PODXL: variants seen among roughly 807,000 people sequenced by gnomAD.
PODXL encodes podocalyxin like.
In PODXL, 20 loss-of-function variants were observed where a neutral mutation model predicts 48.9. That is an observed-to-expected ratio of 0.41 (90% CI 0.29 to 0.59). The LOEUF (loss-of-function observed/expected upper bound fraction) is 0.59. PODXL is among the 20% of genes least tolerant of loss of function. The pLI is 0.31. For synonymous variants in PODXL, 295 were observed against 287.4 expected (o/e 1.03, Z -0.27); for missense variants, 606 against 675.1 (o/e 0.90, Z 1.13).
rs769263602 is a variant in PODXL at position 131,549,807 on chromosome 7, C to T, written c.100+6453G>A. ...TGGTGGACGAGGTGCCACCCTACACCCTGGTCCTCGGAAGTGTGAGGTGGC... is the reference window on the plus strand; with the variant it reads ...TGGTGGACGAGGTGCCACCCTACACTCTGGTCCTCGGAAGTGTGAGGTGGC... On this transcript the variant is annotated intron_variant, in intron 1 of 8. Coordinates refer to ENST00000378555, the MANE Select transcript of PODXL (RefSeq NM_001018111.3). 6.2e-4 allele frequency among the ~76,000 whole-genome samples: 94 copies of T among 152,204 alleles called. 1 individual carries two copies. Among genetic ancestry groups the T allele is most frequent in the Non-Finnish European group, 4.4e-4 (30 of 68,042 alleles).
chr7:131,554,247 C>T (rs1205999552), intron 1 of PODXL, among the ~76,000 whole-genome samples: 1 of 152,084 alleles, frequency 6.6e-6, no homozygotes, highest in East Asian at 1.9e-4. Flanking sequence ...CTGAACAGAC[C>T]AATCTTGCCG....
chr7:131,511,074 C>A lies in PODXL; in HGVS notation c.460G>T (p.Asp154Tyr). ...NTTSSQNGAE[D>Y]TTNSGGKSSH... ...CTTTTCCCCCCAGAGTTTGTTGTATCTTCTGCTCCATTCTGGCTGCTTGTG... is the reference window on the plus strand; with the variant it reads ...CTTTTCCCCCCAGAGTTTGTTGTATATTCTGCTCCATTCTGGCTGCTTGTG... The change falls in exon 2 of 9, where the codon GAT becomes TAT. Residue 154 changes from aspartate to tyrosine, a missense_variant. Asp to Tyr is a radical substitution (Grantham distance 160, BLOSUM62 -3). Transcript: ENST00000378555. 1.2e-6 allele frequency: 2 copies of A among 1,614,020 alleles called. No individual in the cohort carries two copies. Among genetic ancestry groups the A allele is most frequent in the Non-Finnish European group, 1.7e-6 (2 of 1,180,016 alleles).
intron 1 of PODXL, among the ~76,000 whole-genome samples, chr7:131,530,150 A>AC (rs1209432373): frequency 8.9e-5 from 7 of 78,232 alleles, no homozygotes; most frequent in Non-Finnish European, 1.4e-4. Context: ...TCTACACCCC[A>AC]CCCCCCCACC....
intron 1 of PODXL, among the ~76,000 whole-genome samples, chr7:131,524,078 C>T (rs1008311790): frequency 2.0e-5 from 3 of 152,112 alleles, no homozygotes; most frequent in Non-Finnish European, 4.4e-5. Context: ...GGATTACAGG[C>T]GTGAGCCACT....
chr7:131,549,430 C>A (rs993100458), intron 1 of PODXL, among the ~76,000 whole-genome samples: 18 of 152,168 alleles, frequency 1.2e-4, no homozygotes, highest in African/African-American at 4.1e-4. Flanking sequence ...GGGAACCTGG[C>A]TGGATGGAGA....
chr7:131,556,343 G>A lies in PODXL; in HGVS notation c.17C>T (p.Ala6Val). Reference sequence around the variant, plus strand: ...CAACAGTAGCAGCAGCGCCGAGAGCGCCAGCGCGCAGCGCATCGTGTCGTC... The same window carrying A: ...CAACAGTAGCAGCAGCGCCGAGAGCACCAGCGCGCAGCGCATCGTGTCGTC... Reference protein sequence around the residue: MRCALALSALLLLLST... With the variant: MRCALVLSALLLLLST... The change falls in exon 1 of 9, where the codon GCG becomes GTG. Residue 6 changes from alanine (A) to valine (V), a missense_variant. Transcript: ENST00000378555. The A allele has an allele frequency of 6.9e-7, 1 of 1,458,172 alleles. No individual in the cohort carries two copies. Among genetic ancestry groups the A allele is most frequent in the Non-Finnish European group, 9.0e-7 (1 of 1,106,476 alleles). 90.3% of individuals were successfully genotyped at this position (1,458,172 alleles called of 1,614,324 possible). A position where few individuals can be genotyped will look rare whatever the true frequency, so the allele number is the denominator to read the frequency against.
At chr7:131,524,407 G>GAGAGAGAGAGAGAGAGAA (rs1798145991) in intron 1 of PODXL, among the ~76,000 whole-genome samples, 1 of 144,914 alleles carries the variant, frequency 6.9e-6, no homozygotes, top group Admixed American at 6.8e-5. Flanking sequence ...GAGAGAGAGA[G>GAGAGAGAGAGAGAGAGAA]AAAACAACAA....
intron 1 of PODXL, among the ~76,000 whole-genome samples, chr7:131,531,179 C>G (rs1180811402): frequency 6.6e-6 from 1 of 152,200 alleles, no homozygotes; most frequent in Non-Finnish European, 1.5e-5. Context: ...CTGGATCCCT[C>G]CAGCCCAGTG....
chr7:131,542,655 TCAA>T (rs1798501775), intron 1 of PODXL, among the ~76,000 whole-genome samples: 1 of 152,110 alleles, frequency 6.6e-6, no homozygotes, highest in African/African-American at 2.4e-5. Context: ...AGACCCTGTC[TCAA>T]CGACGACAAC....
intron 1 of PODXL, among the ~76,000 whole-genome samples, chr7:131,545,299 C>A (rs537686706): frequency 6.6e-6 from 1 of 152,234 alleles, no homozygotes; most frequent in Admixed American, 6.5e-5. Context: ...AAACTGGCTG[C>A]GACCTGCCAT....
At chr7:131,526,983 C>G (rs998342678) in intron 1 of PODXL, among the ~76,000 whole-genome samples, 2 of 152,090 alleles carry the variant, frequency 1.3e-5, no homozygotes, top group Non-Finnish European at 2.9e-5. Flanking sequence ...AAGTGATCCA[C>G]CCATCTTGGC....
Position 131,502,510 on chromosome 7 carries a change from C to G in PODXL, c.*1801G>C, listed in dbSNP as rs1470283410. On this transcript the variant is annotated 3_prime_UTR_variant, in exon 9 of 9. Transcript: ENST00000378555. ...GGACAGATCTTCCCCAGCCCCTCCC[C>G]CTACCCTTTTAAAAAGTAAGCCATC... The G allele has an allele frequency of 2.0e-5, 3 of 152,336 alleles. No individual in the cohort carries two copies. Among genetic ancestry groups the G allele is most frequent in the Admixed American group, 1.3e-4 (2 of 15,292 alleles). The allele number at this position is 152,336 out of a possible 1,614,324, so 9.4% of individuals were successfully genotyped here.
intron 5 of PODXL, among the ~76,000 whole-genome samples, chr7:131,508,605 C>G (rs1038260882): frequency 1.3e-5 from 2 of 151,016 alleles, no homozygotes; most frequent in African/African-American, 4.9e-5. Flanking sequence ...GAGATCAACT[C>G]ACCAAAGTCA....
At chr7:131,545,565 C>T (rs980601736) in intron 1 of PODXL, among the ~76,000 whole-genome samples, 7 of 152,180 alleles carry the variant, frequency 4.6e-5, no homozygotes, top group South Asian at 2.1e-4. Context: ...AGATGTTAAA[C>T]ACTCTCGTTC....
rs1465247972 is a variant in PODXL, at chr7:131,504,306, C to G, written c.*5G>C. On this transcript the variant is annotated 3_prime_UTR_variant, in exon 9 of 9. Transcript: ENST00000378555. The stretch of plus-strand genomic sequence containing the variant: ...GGTGCTGCTGGAGGCCACCGGCAGA[C>G]CGGACTAGAGGTGTGTGTCTTCCTC... The G allele has an allele frequency of 6.2e-7, 1 of 1,613,686 alleles. No homozygotes were observed. Among genetic ancestry groups the G allele is most frequent in the African/African-American group, 1.3e-5 (1 of 75,050 alleles).
chr7:131,524,408 A>AGAGAGAGAGAGAGAGAGAG (rs367857912), intron 1 of PODXL, among the ~76,000 whole-genome samples: 87 of 149,594 alleles, frequency 5.8e-4, no homozygotes, highest in East Asian at 9.9e-4. Flanking sequence ...AGAGAGAGAG[A>AGAGAGAGAGAGAGAGAGAG]AAACAACAAG....
intron 1 of PODXL, among the ~76,000 whole-genome samples, chr7:131,523,678 C>CAAAAA (rs753654977): frequency 4.8e-5 from 3 of 61,934 alleles, no homozygotes; most frequent in Non-Finnish European, 7.5e-5. Flanking sequence ...GAATCCGTCT[C>CAAAAA]AAAAAAAAAA....
At chr7:131,516,316 G>A (rs950306489) in intron 1 of PODXL, among the ~76,000 whole-genome samples, 1 of 152,182 alleles carries the variant, frequency 6.6e-6, no homozygotes, top group African/African-American at 2.4e-5. Context: ...TGAGGCAGGC[G>A]GATCACAAGG....
chr7:131,509,028 C>T lies in PODXL; in HGVS notation c.1024G>A (p.Ala342Thr). ...TGTGTCTCAAGATCCTCACACTTTG[C>T]CTGGAAGAAGCCACTGAGATTAAGG... ...SPTVAHESNW[A>T]KCEDLETQTQ... Residue 342 changes from alanine (A) to threonine (T), a missense_variant and splice_region_variant, in exon 5 of 9, where the codon GCA (alanine) becomes ACA (threonine). Ala to Thr is a moderately conservative substitution (Grantham distance 58, BLOSUM62 0). Coordinates refer to ENST00000378555, the MANE Select transcript of PODXL (RefSeq NM_001018111.3). 6.2e-7 allele frequency: 1 copy of T among 1,612,970 alleles called. No homozygotes were observed. The highest frequency in any genetic ancestry group is 1.1e-5 in the South Asian group (1 of 91,072).
Sources: gnomAD v4.1 joint callset for allele counts (sites outside exome capture counted in the v4.1 genomes callset) on GRCh38, gnomAD v4.1.1 for gene constraint, MANE v1.5 for transcripts, NCBI Gene and HGNC (gene_info 2026-07-23, HGNC 2026-07-21) for gene names.